The following TXNIP variants were observed in gnomAD, a reference collection of about 807,000 sequenced individuals.
TXNIP encodes thioredoxin interacting protein.
TXNIP carries 23 observed loss-of-function variants against 43.9 expected under a neutral mutation model. The observed-to-expected ratio is 0.52, with a 90% CI of 0.38 to 0.74. The LOEUF is 0.74. TXNIP is among the 30% of genes least tolerant of loss of function. The pLI is 0.00. For synonymous variants in TXNIP, 234 were observed against 172.2 expected (o/e 1.36, Z -2.81); for missense variants, 555 against 485.4 (o/e 1.14, Z -1.35).
Position 145,995,399 on chromosome 1 carries a change from T to C in TXNIP, c.323+5A>G, listed in dbSNP as rs782727877. 3 of 1,613,266 alleles carry C rather than the reference T, an allele frequency of 1.9e-6. No homozygotes were observed. In the East Asian group the frequency reaches 6.7e-5, roughly 36 times the overall value. ...AGTTCAAAGATGCATTTAGCTGATA[T>C]TTACCCCTGAGGAAGCTCAAAGCCG... On this transcript the variant is annotated splice_donor_5th_base_variant and intron_variant, in intron 2 of 7. Coordinates refer to ENST00000582401, the MANE Select transcript of TXNIP (RefSeq NM_006472.6).
rs1479063432 is a variant in TXNIP, at chr1:145,993,251, G to C, written c.*600C>G. 6.5e-6 allele frequency: 1 copy of C among 153,148 alleles called. No individual in the cohort carries two copies. The highest frequency in any genetic ancestry group is 1.5e-5 in the Non-Finnish European group (1 of 68,384). 9.5% of individuals were successfully genotyped at this position (153,148 alleles called of 1,614,324 possible). On this transcript the variant is annotated 3_prime_UTR_variant, in exon 8 of 8. Coordinates refer to ENST00000582401, the MANE Select transcript of TXNIP (RefSeq NM_006472.6). The stretch of plus-strand genomic sequence containing the variant: ...TCTAAGCAAAGATGACCGTAGAGCA[G>C]CTAGCTTCCTTTTTTATAATCACAG...
Position 145,994,108 on chromosome 1 carries a change from G to T in TXNIP, c.1048C>A (p.Pro350Thr). 1.2e-6 allele frequency: 2 copies of T among 1,614,174 alleles called. No homozygotes were observed. The highest frequency in any genetic ancestry group is 1.7e-6 in the Non-Finnish European group (2 of 1,180,022). The stretch of plus-strand genomic sequence containing the variant: ...GAGCCATCCATGTCATCTAGCAGAG[G>T]AGTGGTTGGGCTCTCCAATCGGTGA... ...EDHRLESPTT[P>T]LLDDMDGSQD... The change falls in exon 7 of 8, where the codon CCT (proline) becomes ACT (threonine). Residue 350 changes from proline (P) to threonine (T), a missense_variant. Pro to Thr is a conservative substitution (Grantham distance 38). Transcript: ENST00000582401.
At chr1:145,994,831 TACTC>T (rs782415358) in intron 4 of TXNIP, 31 bp from the exon 5 acceptor site, 112 of 1,613,602 alleles carry the variant, frequency 6.9e-5, no homozygotes, top group Non-Finnish European at 8.9e-5. Context: ...AACTTACTGA[TACTC>T]AGTATAGTTA....
rs980068913 is a variant in TXNIP, at chr1:145,993,765, A to C, written c.*86T>G. The C allele has an allele frequency of 4.0e-6, 6 of 1,508,252 alleles. No individual in the cohort carries two copies. Among genetic ancestry groups the C allele is most frequent in the Middle Eastern group, 3.5e-4 (2 of 5,634 alleles). The allele number at this position is 1,508,252 out of a possible 1,614,324, so 93.4% of individuals were successfully genotyped here. Reference sequence around the variant, plus strand: ...GGTGGACCCACACTCCATTGCAGAGACTGTTGAGTCTCTGAAAAAGTGAGT... The same window carrying C: ...GGTGGACCCACACTCCATTGCAGAGCCTGTTGAGTCTCTGAAAAAGTGAGT... On this transcript the variant is annotated 3_prime_UTR_variant, in exon 8 of 8. Transcript: ENST00000582401.
In TXNIP at chr1:145,993,621, C is replaced by A; in HGVS notation, c.*230G>T. 1 of 457,644 alleles carries A rather than the reference C, an allele frequency of 2.2e-6. No homozygotes were observed. 28.3% of individuals were successfully genotyped at this position (457,644 alleles called of 1,614,324 possible). ...CTGAGTTTTTCTAGTTATTTTTAAA[C>A]CCATCCAACAAACACCCCTGTATCA... On this transcript the variant is annotated 3_prime_UTR_variant, in exon 8 of 8. Transcript: ENST00000582401.
intron 5 of TXNIP, 42 bp downstream of exon 5, chr1:145,994,500 CAG>C: frequency 6.2e-7 from 1 of 1,613,400 alleles, no homozygotes; most frequent in Non-Finnish European, 8.5e-7. Context: ...GCTGTGGTAA[CAG>C]ATGAACAATT....
intron 3 of TXNIP, 53 bp from the exon 4 acceptor site, chr1:145,995,084 A>C (rs996472811): frequency 2.2e-5 from 35 of 1,613,308 alleles, no homozygotes; most frequent in Non-Finnish European, 4.2e-6. Flanking sequence ...CTAATGCCCA[A>C]GACGTCTGAT....
Position 145,995,449 on chromosome 1 carries a change from G to A in TXNIP, c.278C>T (p.Pro93Leu), listed in dbSNP as rs141820440. 292 of 1,614,110 alleles carry A rather than the reference G, an allele frequency of 1.8e-4. 1 individual carries two copies. The African/African-American group carries it at 2.4e-3, about 13-fold the overall frequency. Residue 93 changes from proline to leucine, a missense_variant, in exon 2 of 8, where the codon CCT (proline) becomes CTT (leucine). Pro to Leu is a moderately conservative substitution (Grantham distance 98). Transcript: ENST00000582401. ...GAACTTGTACTCATATTTGTTTCCA[G>A]GTCTCATGATCACCATCTCATTCTC... ...TGENEMVIMR[P>L]GNKYEYKFGF...
intron 1 of TXNIP, 160 bp downstream of exon 1, chr1:145,995,850 TGGGGGGG>T: frequency 2.3e-6 from 2 of 854,366 alleles, no homozygotes; most frequent in South Asian, 1.8e-5. Context: ...CCCTTTTTTT[TGGGGGGG>T]GAGGAGAATG....
In TXNIP at chr1:145,994,167, G is replaced by A. The variant is rs1553765927; in HGVS notation, c.989C>T (p.Ala330Val). The change falls in exon 7 of 8, where the codon GCT becomes GTT. Residue 330 changes from alanine (A) to valine (V), a missense_variant and splice_region_variant. Transcript: ENST00000582401. Reference protein sequence around the residue: ...VDLNIPDTPEAPPCYMDVIPE... With the variant: ...VDLNIPDTPEVPPCYMDVIPE... ...AATGACATCCATATAGCAGGGAGGA[G>A]CTAGAAAAGAAAATATGGCCACATA... The A allele has an allele frequency of 5.0e-6, 8 of 1,613,884 alleles. No individual in the cohort carries two copies. The highest frequency in any genetic ancestry group is 6.8e-6 in the Non-Finnish European group (8 of 1,179,918).
At chr1:145,995,374 A>G (rs782790556) in intron 2 of TXNIP, 30 bp downstream of exon 2, 17 of 1,610,408 alleles carry the variant, frequency 1.1e-5, no homozygotes, top group Non-Finnish European at 1.3e-5. Flanking sequence ...TAGACAGAAA[A>G]GTTCAAAGAT....
In TXNIP at chr1:145,996,006, G is replaced by T; in HGVS notation, c.250+11C>A. The T allele has an allele frequency of 6.2e-7, 1 of 1,611,940 alleles. No homozygotes were observed. Among genetic ancestry groups the T allele is most frequent in the South Asian group, 1.1e-5 (1 of 90,984 alleles). The stretch of plus-strand genomic sequence containing the variant: ...AGCTTTCACCCTCCAACAATGAATT[G>T]GGCCGCTTACCTGTTGGCTGGTCTT... On this transcript the variant is annotated intron_variant, in intron 1 of 7. Coordinates refer to ENST00000582401, the MANE Select transcript of TXNIP (RefSeq NM_006472.6).
At position 145,993,579 on chromosome 1, in the gene TXNIP, T is replaced by C; in HGVS notation, c.*272A>G. 5.7e-6 allele frequency: 2 copies of C among 353,066 alleles called. No individual in the cohort carries two copies. The highest frequency in any genetic ancestry group is 4.3e-5 in the Admixed American group (1 of 23,384). The allele number at this position is 353,066 out of a possible 1,614,324, so 21.9% of individuals were successfully genotyped here. A position where few individuals can be genotyped will look rare whatever the true frequency, so the allele number is the denominator to read the frequency against. ...AAAGGCCTCAATTTTCAAGGAGATCTGAGAAAATGGATGGGCCTGAGTTTT... is the reference window on the plus strand; with the variant it reads ...AAAGGCCTCAATTTTCAAGGAGATCCGAGAAAATGGATGGGCCTGAGTTTT... On this transcript the variant is annotated 3_prime_UTR_variant, in exon 8 of 8. Coordinates refer to ENST00000582401, the MANE Select transcript of TXNIP (RefSeq NM_006472.6).
intron 1 of TXNIP, 88 bp from the exon 2 acceptor site, chr1:145,995,564 A>T (rs1553766397): frequency 2.6e-6 from 3 of 1,154,528 alleles, no homozygotes; most frequent in Non-Finnish European, 3.9e-6. Flanking sequence ...GGTGGCATGC[A>T]AGGTATTGAA....
rs781872605 is a variant in TXNIP, at chr1:145,994,933, A to G, written c.570T>C (p.Cys190=). Residue 190 remains cysteine, a synonymous_variant, in exon 4 of 8, where the codon TGT becomes TGC. Coordinates refer to ENST00000582401, the MANE Select transcript of TXNIP (RefSeq NM_006472.6). ...VSARIDRKGF[C]EGDEISIHAD... ...CCATAAGCACTAGGATTTTACCTTC[A>G]CAGAATCCTTTTCTGTCAATTCGAG... The G allele has an allele frequency of 9.3e-6, 15 of 1,614,164 alleles. No individual in the cohort carries two copies. The South Asian group carries it at 1.2e-4, about 13-fold the overall frequency.
chr1:145,992,949 A>C lies in TXNIP; in HGVS notation c.*902T>G, dbSNP rs1651225575. On this transcript the variant is annotated 3_prime_UTR_variant, in exon 8 of 8. Coordinates refer to ENST00000582401, the MANE Select transcript of TXNIP (RefSeq NM_006472.6). ...ATTGGGGCAATCTCAAAAGTAGTAA[A>C]ATTTTTTTTGTCTTTTGGCTTAACC... 6.6e-6 allele frequency: 1 copy of C among 152,598 alleles called. No homozygotes were observed. The highest frequency in any genetic ancestry group is 2.4e-5 in the African/African-American group (1 of 41,432). The allele number at this position is 152,598 out of a possible 1,614,324, so 9.5% of individuals were successfully genotyped here.
chr1:145,995,321 G>T (rs376039731), intron 2 of TXNIP, 30 bp from the exon 3 acceptor site: 5 of 1,609,786 alleles, frequency 3.1e-6, no homozygotes, highest in Non-Finnish European at 3.4e-6. Context: ...ATTTTAAAAC[G>T]CTCTCCAAGA....
chr1:145,996,342 T>C lies in TXNIP; in HGVS notation c.-76A>G. On this transcript the variant is annotated 5_prime_UTR_variant, in exon 1 of 8. Coordinates refer to ENST00000582401, the MANE Select transcript of TXNIP (RefSeq NM_006472.6). Reference sequence around the variant, plus strand: ...AAAGCTCCAAATCGAGGAAACCCCTTTGCAAAAAATTATTTCACTTTAAGG... The same window carrying C: ...AAAGCTCCAAATCGAGGAAACCCCTCTGCAAAAAATTATTTCACTTTAAGG... The C allele has an allele frequency of 6.7e-7, 1 of 1,500,036 alleles. No homozygotes were observed. Among genetic ancestry groups the C allele is most frequent in the Non-Finnish European group, 9.0e-7 (1 of 1,109,508 alleles). 92.9% of individuals were successfully genotyped at this position (1,500,036 alleles called of 1,614,324 possible).
In TXNIP at chr1:145,993,694, G is replaced by C; in HGVS notation, c.*157C>G. 3.9e-6 allele frequency: 3 copies of C among 763,298 alleles called. No homozygotes were observed. Among genetic ancestry groups the C allele is most frequent in the Non-Finnish European group, 6.3e-6 (3 of 478,382 alleles). 47.3% of individuals were successfully genotyped at this position (763,298 alleles called of 1,614,324 possible). ...TGAGTCCGCATCCTTTAAGGCCCAG[G>C]AGATTGCCTGCTGACCACCTCCTAC... On this transcript the variant is annotated 3_prime_UTR_variant, in exon 8 of 8. Transcript: ENST00000582401.
Sources: allele counts gnomAD v4.1 joint callset, GRCh38; gene constraint gnomAD v4.1.1; transcripts MANE v1.5; gene names NCBI Gene and HGNC (gene_info 2026-07-23, HGNC 2026-07-21).